IKZF1: variants seen among roughly 807,000 people sequenced by gnomAD.
The protein encoded by IKZF1 is IKAROS family zinc finger 1, also known as DNA-binding protein Ikaros.
IKZF1 carries 10 observed loss-of-function variants against 51.7 expected under a neutral mutation model. The ratio of observed to expected loss-of-function variants is 0.19; its 90% CI spans 0.12 to 0.33. IKZF1 has a LOEUF of 0.33. Among genes scored for constraint, IKZF1 ranks in the 10% least tolerant of loss-of-function variants. IKZF1 has a pLI of 1.00. For synonymous variants in IKZF1, 280 were observed against 282.3 expected, an observed-to-expected ratio of 0.99 and a Z score of 0.08; for missense variants, 484 against 707.5, an observed-to-expected ratio of 0.68 and a Z score of 3.58.
chr7:50,344,258 G>T (rs969542716), intron 3 of IKZF1, among the ~76,000 whole-genome samples: 1 of 152,198 alleles, frequency 6.6e-6, no homozygotes, highest in Non-Finnish European at 1.5e-5. Flanking sequence ...TAATCTGCAT[G>T]ACCAGGTCAG....
chr7:50,373,958 C>A (rs1396926605), intron 3 of IKZF1, among the ~76,000 whole-genome samples: 1 of 152,220 alleles, frequency 6.6e-6, no homozygotes, highest in African/African-American at 2.4e-5. Flanking sequence ...GGTCTCTGAT[C>A]TTCAGGATCT....
chr7:50,321,636 A>C (rs1040008237), intron 2 of IKZF1, among the ~76,000 whole-genome samples: 1 of 152,142 alleles, frequency 6.6e-6, no homozygotes, highest in African/African-American at 2.4e-5. Flanking sequence ...TGGCCAATGC[A>C]GGAGTCTACA....
intron 4 of IKZF1, chr7:50,377,008 C>T: frequency 1.4e-6 from 1 of 736,618 alleles, no homozygotes; most frequent in Non-Finnish European, 2.1e-6. Flanking sequence ...CAATTCCACC[C>T]TATAAATAAA....
At chr7:50,371,636 C>A (rs1338865817) in intron 3 of IKZF1, among the ~76,000 whole-genome samples, 1 of 152,210 alleles carries the variant, frequency 6.6e-6, no homozygotes, top group African/African-American at 2.4e-5. Flanking sequence ...TCAGAAGAAC[C>A]ACTTCTTGCC....
At chr7:50,378,190 G>A (rs1372274536) in intron 4 of IKZF1, among the ~76,000 whole-genome samples, 2 of 152,260 alleles carry the variant, frequency 1.3e-5, no homozygotes, top group Non-Finnish European at 2.9e-5. Context: ...CATTTGTAGT[G>A]TATCTGAAAA....
chr7:50,341,022 TGTTA>T (rs2153415668), intron 3 of IKZF1, among the ~76,000 whole-genome samples: 1 of 152,362 alleles, frequency 6.6e-6, no homozygotes, highest in South Asian at 2.1e-4. Flanking sequence ...GTTTTATATG[TGTTA>T]GTTAATTTTT....
intron 1 of IKZF1, among the ~76,000 whole-genome samples, chr7:50,316,856 C>A (rs1344664060): frequency 1.3e-5 from 2 of 152,138 alleles, no homozygotes; most frequent in African/African-American, 4.8e-5. Flanking sequence ...TAGGAAACAT[C>A]TTTTTTTAAG....
chr7:50,333,964 TATA>T (rs1796986806), intron 3 of IKZF1, among the ~76,000 whole-genome samples: 1 of 152,278 alleles, frequency 6.6e-6, no homozygotes, highest in South Asian at 2.1e-4. Flanking sequence ...AAACATGAAA[TATA>T]GTATTACAAA....
intron 2 of IKZF1, among the ~76,000 whole-genome samples, chr7:50,322,437 T>G (rs977287512): frequency 2.2e-4 from 34 of 152,316 alleles, no homozygotes; most frequent in Admixed American, 2.2e-3. Flanking sequence ...TCCTTGAGAT[T>G]TATCCTAAAT....
intron 7 of IKZF1, among the ~76,000 whole-genome samples, chr7:50,395,763 T>C (rs1816538939): frequency 6.6e-6 from 1 of 152,252 alleles, no homozygotes; most frequent in Non-Finnish European, 1.5e-5. Flanking sequence ...AAAAAGTTTC[T>C]ATAGATGTTC....
intron 3 of IKZF1, among the ~76,000 whole-genome samples, chr7:50,346,786 C>T (rs984676482): frequency 1.4e-4 from 21 of 152,174 alleles, no homozygotes; most frequent in Admixed American, 3.3e-4. Flanking sequence ...GACTCACTGC[C>T]GTTAGTCTGA....
At chr7:50,321,998 A>G (rs1793492524) in intron 2 of IKZF1, among the ~76,000 whole-genome samples, 1 of 152,208 alleles carries the variant, frequency 6.6e-6, no homozygotes, top group African/African-American at 2.4e-5. Context: ...AAACACTCAT[A>G]CTGCTTTTGA....
At chr7:50,308,328 G>T (rs1197860232) in intron 1 of IKZF1, among the ~76,000 whole-genome samples, 1 of 152,202 alleles carries the variant, frequency 6.6e-6, no homozygotes, top group East Asian at 1.9e-4. Flanking sequence ...TGTTTCAGTT[G>T]ACGTTTTTCC....
At chr7:50,351,577 T>C (rs968278485) in intron 3 of IKZF1, among the ~76,000 whole-genome samples, 1 of 152,242 alleles carries the variant, frequency 6.6e-6, no homozygotes, top group African/African-American at 2.4e-5. Context: ...AAGTAAAATG[T>C]GCTGCCCTGT....
In IKZF1 at chr7:50,400,491, T is replaced by G. The variant is rs766912838; in HGVS notation, c.1424T>G (p.Val475Gly). 1 of 1,614,044 alleles carries G rather than the reference T, an allele frequency of 6.2e-7. No homozygotes were observed. The highest frequency in any genetic ancestry group is 8.5e-7 in the Non-Finnish European group (1 of 1,179,932). The stretch of plus-strand genomic sequence containing the variant: ...TGCCGGGTGCTCTTCCTGGATCACG[T>G]CATGTACACCATCCACATGGGCTGC... ...EHCRVLFLDHVMYTIHMGCHG... is the reference protein window; with the variant it reads ...EHCRVLFLDHGMYTIHMGCHG... The change falls in exon 8 of 8, where the codon GTC becomes GGC. Residue 475 changes from valine to glycine, a missense_variant. Around this residue, in one of 6 missense-constraint regions of IKZF1, gnomAD observed 42 missense variants for 84.4 expected, o/e 0.50. Transcript: ENST00000331340. This position sits in a 1 kb window ranked among gnomAD's most constrained non-coding sequence, Gnocchi z 5.4.
intron 3 of IKZF1, among the ~76,000 whole-genome samples, chr7:50,347,542 G>A (rs1325129826): frequency 6.6e-6 from 1 of 152,228 alleles, no homozygotes; most frequent in Admixed American, 6.5e-5. Flanking sequence ...CTGAGCACAA[G>A]CAGGAAAACA....
intron 7 of IKZF1, among the ~76,000 whole-genome samples, chr7:50,393,039 G>A (rs1462877740): frequency 6.6e-6 from 1 of 152,074 alleles, no homozygotes; most frequent in South Asian, 2.1e-4. Context: ...AAGAAGCACT[G>A]GCATATTTTT....
chr7:50,364,908 C>T (rs1806406114), intron 3 of IKZF1, among the ~76,000 whole-genome samples: 1 of 152,222 alleles, frequency 6.6e-6, no homozygotes, highest in Admixed American at 6.5e-5. Context: ...GTGTAGCAGT[C>T]GCACTTGACC....
Position 50,404,539 on chromosome 7 carries a change from A to G in IKZF1, c.*3912A>G. The G allele has an allele frequency of 4.4e-6, 1 of 229,562 alleles. No individual in the cohort carries two copies. The highest frequency in any genetic ancestry group is 8.6e-6 in the Non-Finnish European group (1 of 115,710). 14.2% of individuals were successfully genotyped at this position (229,562 alleles called of 1,614,324 possible). On this transcript the variant is annotated 3_prime_UTR_variant, in exon 8 of 8. Transcript: ENST00000331340. ...CCAATGAGATCCCAATATGAGAGGGAGAAGAGATGGGCCTCAGGACAGCTG... is the reference window on the plus strand; with the variant it reads ...CCAATGAGATCCCAATATGAGAGGGGGAAGAGATGGGCCTCAGGACAGCTG...
Sources: gnomAD v4.1 joint callset for allele counts (sites outside exome capture counted in the v4.1 genomes callset) on GRCh38, gnomAD v4.1.1 for gene constraint, gnomAD v4.1.1 regional missense constraint, Gnocchi (gnomAD v3.1) non-coding constraint, MANE v1.5 for transcripts, NCBI Gene and HGNC (gene_info 2026-07-23, HGNC 2026-07-21) for gene names.